Variants in NDUFAF8 observed in about 807,000 individuals in gnomAD.
The protein encoded by NDUFAF8 is NADH dehydrogenase [ubiquinone] 1 alpha subcomplex assembly factor 8.
NDUFAF8 carries 9 observed loss-of-function variants against 9.9 expected under a neutral mutation model. The ratio of observed to expected loss-of-function variants is 0.91; its 90% CI spans 0.55 to 1.59. The LOEUF is 1.59. Ranked by LOEUF, NDUFAF8 falls within the 40% of genes most tolerant of loss-of-function variation. NDUFAF8 has a pLI of 0.00. For missense variants in NDUFAF8, 114 were observed against 113.8 expected, an observed-to-expected ratio of 1.00 and a Z score of -0.01; for synonymous variants, 63 against 51.2, an observed-to-expected ratio of 1.23 and a Z score of -0.98.
rs570351619 is a variant in NDUFAF8, at chr17:81,240,997, C to T, written c.206C>T (p.Thr69Met). 38 of 1,613,240 alleles carry T rather than the reference C, an allele frequency of 2.4e-5. No individual in the cohort carries two copies. Among genetic ancestry groups the T allele is most frequent in the East Asian group, 1.8e-4 (8 of 44,874 alleles). ...CACTTTATCTTGCAGGCCAAGAAGA[C>T]GCTGGAGGGAGGCTGTTAGGAGGGA... ...RSCFAAAAKK[T>M]LEGGC The change falls in exon 3 of 3, where the codon ACG becomes ATG. Residue 69 changes from threonine (T) to methionine (M), a missense_variant. Physicochemically the swap from Thr to Met is moderately conservative, Grantham distance 81 (BLOSUM62 -1). Transcript: ENST00000431388.
rs991883940 is a variant in NDUFAF8 at position 81,241,220 on chromosome 17, G to A, written c.*204G>A. The A allele has an allele frequency of 1.6e-5, 21 of 1,347,686 alleles. No individual in the cohort carries two copies. The highest frequency in any genetic ancestry group is 1.5e-4 in the African/African-American group (10 of 68,040). The allele number at this position is 1,347,686 out of a possible 1,614,324, so 83.5% of individuals were successfully genotyped here. ...GAATTGGTTTTCCAGCATTGTGTCC[G>A]TAAACCTGAGTTAGAATAAGATGTA... On this transcript the variant is annotated 3_prime_UTR_variant, in exon 3 of 3. Coordinates refer to ENST00000431388, the MANE Select transcript of NDUFAF8 (RefSeq NM_001086521.2).
At chr17:81,240,681 A>AG (rs1555623920) in intron 2 of NDUFAF8, among the ~76,000 whole-genome samples, 136 of 139,842 alleles carry the variant, frequency 9.7e-4, no homozygotes, top group South Asian at 6.0e-3. Context: ...AAAAAAAAAA[A>AG]GGGGGGGGGC....
chr17:81,241,160 T>C lies in NDUFAF8; in HGVS notation c.*144T>C. On this transcript the variant is annotated 3_prime_UTR_variant, in exon 3 of 3. Coordinates refer to ENST00000431388, the MANE Select transcript of NDUFAF8 (RefSeq NM_001086521.2). Reference sequence around the variant, plus strand: ...TGACATTCCTCGGTGTTAGATCCTGTTTTTTCTTAACAAGTTGAGGCGTGG... The same window carrying C: ...TGACATTCCTCGGTGTTAGATCCTGCTTTTTCTTAACAAGTTGAGGCGTGG... The C allele has an allele frequency of 7.1e-7, 1 of 1,406,206 alleles. No individual in the cohort carries two copies. The highest frequency in any genetic ancestry group is 9.3e-7 in the Non-Finnish European group (1 of 1,073,222). 87.1% of individuals were successfully genotyped at this position (1,406,206 alleles called of 1,614,324 possible). A position where few individuals can be genotyped will look rare whatever the true frequency, so the allele number is the denominator to read the frequency against.
At position 81,239,378 on chromosome 17, in the gene NDUFAF8, A is replaced by G. The variant is rs1209001864; in HGVS notation, c.15A>G (p.Gly5=). The change falls in exon 1 of 3, where the codon GGA becomes GGG. Residue 5 remains glycine, a synonymous_variant. Coordinates refer to ENST00000431388, the MANE Select transcript of NDUFAF8 (RefSeq NM_001086521.2). ...AATAGCCGCTCATGTCGGCTAACGG[A>G]GCGGTGTGGGGCCGCGTGCGAAGCC... is the stretch of plus-strand genomic sequence containing the variant. MSAN[G]AVWGRVRSRL... is the part of the protein sequence containing the mutation. 2.2e-6 allele frequency: 3 copies of G among 1,365,796 alleles called. No individual in the cohort carries two copies. Among genetic ancestry groups the G allele is most frequent in the Non-Finnish European group, 2.8e-6 (3 of 1,058,804 alleles). The allele number at this position is 1,365,796 out of a possible 1,614,324, so 84.6% of individuals were successfully genotyped here. A position where few individuals can be genotyped will look rare whatever the true frequency, so the allele number is the denominator to read the frequency against.
intron 2 of NDUFAF8, among the ~76,000 whole-genome samples, chr17:81,240,683 G>T (rs200430807): frequency 7.0e-6 from 1 of 142,992 alleles, no homozygotes; most frequent in South Asian, 2.1e-4. Flanking sequence ...AAAAAAAAAG[G>T]GGGGGGGCTC....
In NDUFAF8 at chr17:81,241,305, C is replaced by T. The variant is rs1436982357; in HGVS notation, c.*289C>T. 4 of 732,512 alleles carry T rather than the reference C, an allele frequency of 5.5e-6. No individual in the cohort carries two copies. The highest frequency in any genetic ancestry group is 3.7e-6 in the Non-Finnish European group (2 of 534,030). 45.4% of individuals were successfully genotyped at this position (732,512 alleles called of 1,614,324 possible). ...CAGCCTGGGGCTTACTGTGTGCAGA[C>T]TGCAACATGTGGGTCTTGGCCTCTC... On this transcript the variant is annotated 3_prime_UTR_variant, in exon 3 of 3. Transcript: ENST00000431388.
Position 81,239,682 on chromosome 17 carries a change from G to C in NDUFAF8, c.195+4G>C. On this transcript the variant is annotated splice_donor_region_variant and intron_variant, in intron 2 of 2. Coordinates refer to ENST00000431388, the MANE Select transcript of NDUFAF8 (RefSeq NM_001086521.2). ...GCGGAGCTGCTTCGCCGCTGCGGTA[G>C]GTGGGCGCGGGCCCCTTCCCCCCTT... 7.2e-6 allele frequency: 11 copies of C among 1,537,492 alleles called. No individual in the cohort carries two copies. The highest frequency in any genetic ancestry group is 9.6e-6 in the Non-Finnish European group (11 of 1,146,210).
At position 81,239,381 on chromosome 17, in the gene NDUFAF8, G is replaced by C; in HGVS notation, c.18G>C (p.Ala6=). The change falls in exon 1 of 3, where the codon GCG becomes GCC. Residue 6 remains alanine, a synonymous_variant. Coordinates refer to ENST00000431388, the MANE Select transcript of NDUFAF8 (RefSeq NM_001086521.2). Reference sequence around the variant, plus strand: ...AGCCGCTCATGTCGGCTAACGGAGCGGTGTGGGGCCGCGTGCGAAGCCGCC... The same window carrying C: ...AGCCGCTCATGTCGGCTAACGGAGCCGTGTGGGGCCGCGTGCGAAGCCGCC... MSANG[A]VWGRVRSRLR... The C allele has an allele frequency of 7.4e-7, 1 of 1,358,554 alleles. No homozygotes were observed. The highest frequency in any genetic ancestry group is 3.1e-5 in the East Asian group (1 of 32,156). 84.2% of individuals were successfully genotyped at this position (1,358,554 alleles called of 1,614,324 possible).
At chr17:81,240,049 G>A (rs2062799945) in intron 2 of NDUFAF8, 1 of 299,612 alleles carries the variant, frequency 3.3e-6, no homozygotes, top group Non-Finnish European at 6.4e-6. Context: ...CACCTCCCTG[G>A]CACTTGCAGC....
Position 81,239,374 on chromosome 17 carries a change from A to T in NDUFAF8, c.11A>T (p.Asn4Ile). The change falls in exon 1 of 3, where the codon AAC becomes ATC. Residue 4 changes from asparagine to isoleucine, a missense_variant. By Grantham distance (149) the Asn-to-Ile change is moderately radical. Coordinates refer to ENST00000431388, the MANE Select transcript of NDUFAF8 (RefSeq NM_001086521.2). MSA[N>I]GAVWGRVRSR... The stretch of plus-strand genomic sequence containing the variant: ...TGGGAATAGCCGCTCATGTCGGCTA[A>T]CGGAGCGGTGTGGGGCCGCGTGCGA... The T allele has an allele frequency of 7.3e-7, 1 of 1,365,732 alleles. No individual in the cohort carries two copies. The highest frequency in any genetic ancestry group is 9.4e-7 in the Non-Finnish European group (1 of 1,058,646). 84.6% of individuals were successfully genotyped at this position (1,365,732 alleles called of 1,614,324 possible).
chr17:81,240,776 T>C (rs1158212262), intron 2 of NDUFAF8, among the ~76,000 whole-genome samples: 2 of 151,874 alleles, frequency 1.3e-5, no homozygotes, highest in Admixed American at 6.6e-5. Context: ...AGTTCTGTGA[T>C]AGTGTCATGA....
chr17:81,239,389 G>T lies in NDUFAF8; in HGVS notation c.26G>T (p.Gly9Val), dbSNP rs2062788357. Reference sequence around the variant, plus strand: ...ATGTCGGCTAACGGAGCGGTGTGGGGCCGCGTGCGAAGCCGCCTCCGCGCC... The same window carrying T: ...ATGTCGGCTAACGGAGCGGTGTGGGTCCGCGTGCGAAGCCGCCTCCGCGCC... MSANGAVW[G>V]RVRSRLRAFP... The change falls in exon 1 of 3, where the codon GGC becomes GTC. Residue 9 changes from glycine to valine, a missense_variant. Gly to Val is a moderately radical substitution (Grantham distance 109). Transcript: ENST00000431388. 4 of 1,369,472 alleles carry T rather than the reference G, an allele frequency of 2.9e-6. No homozygotes were observed. The South Asian group carries it at 7.1e-5, about 24-fold the overall frequency. The allele number at this position is 1,369,472 out of a possible 1,614,324, so 84.8% of individuals were successfully genotyped here.
At chr17:81,239,476 CG>C (rs201062379) in intron 1 of NDUFAF8, 29 bp downstream of exon 1, 15,661 of 1,401,266 alleles carry the variant, frequency 0.011, 120 homozygotes, top group Middle Eastern at 0.016. Flanking sequence ...GCCAGTGCTG[CG>C]GGGCAGGAGG....
chr17:81,239,415 T>C lies in NDUFAF8; in HGVS notation c.52T>C (p.Phe18Leu). 1 of 1,363,210 alleles carries C rather than the reference T, an allele frequency of 7.3e-7. No homozygotes were observed. The highest frequency in any genetic ancestry group is 1.5e-5 in the African/African-American group (1 of 65,002). 84.4% of individuals were successfully genotyped at this position (1,363,210 alleles called of 1,614,324 possible). The change falls in exon 1 of 3, where the codon TTC (phenylalanine) becomes CTC (leucine). Residue 18 changes from phenylalanine to leucine, a missense_variant. Physicochemically the swap from Phe to Leu is conservative, Grantham distance 22. Coordinates refer to ENST00000431388, the MANE Select transcript of NDUFAF8 (RefSeq NM_001086521.2). ...WGRVRSRLRA[F>L]PERLAACGAE... ...CCGCGTGCGAAGCCGCCTCCGCGCC[T>C]TCCCCGAGCGGCTGGCCGCCTGCGG... is the stretch of plus-strand genomic sequence containing the variant.
intron 1 of NDUFAF8, 27 bp from the exon 2 acceptor site, chr17:81,239,541 C>A: frequency 6.7e-7 from 1 of 1,500,980 alleles, no homozygotes; most frequent in South Asian, 1.2e-5. Context: ...CAGGGGACCC[C>A]ACGACCCACG....
chr17:81,239,806 T>G, intron 2 of NDUFAF8, 128 bp downstream of exon 2: 10 of 1,028,954 alleles, frequency 9.7e-6, no homozygotes, highest in Non-Finnish European at 1.4e-5. Context: ...AGACGCCGGC[T>G]GACAAAATCA....
At chr17:81,239,719 C>T (rs1298909217) in intron 2 of NDUFAF8, 41 bp downstream of exon 2, 21 of 1,516,302 alleles carry the variant, frequency 1.4e-5, no homozygotes, top group Middle Eastern at 1.7e-4. Flanking sequence ...CCAGCCCTTC[C>T]CCTCCAAGAG....
rs1270369109 is a variant in NDUFAF8 at position 81,239,458 on chromosome 17, G to A, written c.84+11G>A. 7.3e-7 allele frequency: 1 copy of A among 1,368,774 alleles called. No homozygotes were observed. The highest frequency in any genetic ancestry group is 1.5e-5 in the African/African-American group (1 of 65,058). The allele number at this position is 1,368,774 out of a possible 1,614,324, so 84.8% of individuals were successfully genotyped here. Reference sequence around the variant, plus strand: ...GCCTGCGGGGCCGAGGTGAGGAGCCGCGGGCGGGCCAGTGCTGCGGGGCAG... The same window carrying A: ...GCCTGCGGGGCCGAGGTGAGGAGCCACGGGCGGGCCAGTGCTGCGGGGCAG... On this transcript the variant is annotated intron_variant, in intron 1 of 2. Transcript: ENST00000431388.
At position 81,241,131 on chromosome 17, in the gene NDUFAF8, G is replaced by A. The variant is rs1207845268; in HGVS notation, c.*115G>A. ...GCAGAAAGGAAGTGGGAATGGCGAA[G>A]ATGTGACATTCCTCGGTGTTAGATC... On this transcript the variant is annotated 3_prime_UTR_variant, in exon 3 of 3. Transcript: ENST00000431388. The A allele has an allele frequency of 1.4e-6, 2 of 1,450,684 alleles. No individual in the cohort carries two copies. Among genetic ancestry groups the A allele is most frequent in the Admixed American group, 5.2e-5 (2 of 38,704 alleles). 89.9% of individuals were successfully genotyped at this position (1,450,684 alleles called of 1,614,324 possible).
Sources: allele counts gnomAD v4.1 joint callset (sites outside exome capture counted in the v4.1 genomes callset), GRCh38; gene constraint gnomAD v4.1.1; transcripts MANE v1.5; gene names NCBI Gene and HGNC (gene_info 2026-07-23, HGNC 2026-07-21).